Variants in TWF2 observed in about 807,000 individuals in gnomAD.
TWF2 encodes twinfilin actin binding protein 2, also known as twinfilin-2.
TWF2 carries 15 observed loss-of-function variants against 45.1 expected under a neutral mutation model. That is an observed-to-expected ratio of 0.33 (90% CI 0.22 to 0.51). TWF2 has a LOEUF of 0.51. Ranked by LOEUF, TWF2 falls within the 20% of genes least tolerant of loss-of-function variation. TWF2 has a pLI of 0.97. For missense variants in TWF2, 423 were observed against 469.1 expected (o/e 0.90, Z 0.91); for synonymous variants, 177 against 195.8 (o/e 0.90, Z 0.80).
chr3:52,238,842 T>G, intron 1 of TWF2, 150 bp downstream of exon 1: 2 of 1,042,308 alleles, frequency 1.9e-6, no homozygotes, highest in Non-Finnish European at 2.7e-6. Flanking sequence ...CTCCCCCAGA[T>G]GTGCCCACCC....
intron 8 of TWF2, 100 bp downstream of exon 8, chr3:52,229,561 C>T (rs1699658441): frequency 2.0e-6 from 3 of 1,537,514 alleles, no homozygotes; most frequent in Admixed American, 3.7e-5. Flanking sequence ...AACACGACAG[C>T]AACGATTCCT....
chr3:52,235,020 G>A lies in TWF2; in HGVS notation c.103+9C>T, dbSNP rs781180871. The stretch of plus-strand genomic sequence containing the variant: ...CAAGCCTATACCCTGGCCTGTGAGG[G>A]GCACTCACCGTCCTCAATCACAACC... On this transcript the variant is annotated intron_variant, in intron 2 of 8. Transcript: ENST00000305533. The A allele has an allele frequency of 1.2e-6, 2 of 1,613,320 alleles. No individual in the cohort carries two copies. Among genetic ancestry groups the A allele is most frequent in the Admixed American group, 3.3e-5 (2 of 60,022 alleles).
At chr3:52,230,240 G>A (rs1163524956) in intron 6 of TWF2, among the ~76,000 whole-genome samples, 170 bp from the exon 7 acceptor site, 1 of 152,198 alleles carries the variant, frequency 6.6e-6, no homozygotes. Context: ...CCTCTGAAGA[G>A]GCCAGTCCTG....
At chr3:52,229,341 C>G in intron 8 of TWF2, 140 bp from the exon 9 acceptor site, 1 of 1,265,532 alleles carries the variant, frequency 7.9e-7, no homozygotes, top group Non-Finnish European at 1.1e-6. Flanking sequence ...GATTCCCCAC[C>G]TGGAATGCCA....
At position 52,228,744 on chromosome 3, in the gene TWF2, C is replaced by T. The variant is rs750716032; in HGVS notation, c.*290G>A. The T allele has an allele frequency of 6.1e-5, 28 of 460,968 alleles. No individual in the cohort carries two copies. The highest frequency in any genetic ancestry group is 1.1e-4 in the Admixed American group (3 of 26,136). 28.6% of individuals were successfully genotyped at this position (460,968 alleles called of 1,614,324 possible). On this transcript the variant is annotated 3_prime_UTR_variant, in exon 9 of 9. Transcript: ENST00000305533. ...TTCTGGGCTGTGCTGGGACCCTAGT[C>T]TCAGCTCCCCGGGAGGCCAGGTTCA...
chr3:52,236,336 C>T (rs1699725726), intron 1 of TWF2, among the ~76,000 whole-genome samples: 1 of 150,738 alleles, frequency 6.6e-6, no homozygotes, highest in African/African-American at 2.4e-5. Context: ...CCATCTTGGT[C>T]ATTGGGCTGT....
At chr3:52,234,954 A>T in intron 2 of TWF2, 75 bp downstream of exon 2, 2 of 1,554,838 alleles carry the variant, frequency 1.3e-6, no homozygotes, top group Non-Finnish European at 1.8e-6. Flanking sequence ...AGGGGCCAAC[A>T]TCCTCCTTCC....
chr3:52,231,351 C>T lies in TWF2; in HGVS notation c.378+93G>A, dbSNP rs528694705. On this transcript the variant is annotated intron_variant, in intron 4 of 8. Coordinates refer to ENST00000305533, the MANE Select transcript of TWF2 (RefSeq NM_007284.4). Reference sequence around the variant, plus strand: ...TCCCCCAGCGCCCCCATCTTCCTCCCGAAGCTGGCACTAGCTTGCTCTCTG... The same window carrying T: ...TCCCCCAGCGCCCCCATCTTCCTCCTGAAGCTGGCACTAGCTTGCTCTCTG... The T allele has an allele frequency of 2.7e-5, 43 of 1,572,996 alleles. 1 individual carries two copies. Among genetic ancestry groups the T allele is most frequent in the Admixed American group, 2.7e-4 (16 of 58,630 alleles).
rs949419045 is a variant in TWF2 at position 52,229,545 on chromosome 3, A to C, written c.882+116T>G. On this transcript the variant is annotated intron_variant, in intron 8 of 8. Transcript: ENST00000305533. ...TTGCTCCTTGGGCCTCAGATGCCCT[A>C]TGATCAACACGACAGCAACGATTCC... 4 of 1,507,802 alleles carry C rather than the reference A, an allele frequency of 2.7e-6. No individual in the cohort carries two copies. In the East Asian group the frequency reaches 9.1e-5, roughly 34 times the overall value. The allele number at this position is 1,507,802 out of a possible 1,614,324, so 93.4% of individuals were successfully genotyped here. A position where few individuals can be genotyped will look rare whatever the true frequency, so the allele number is the denominator to read the frequency against.
At position 52,230,053 on chromosome 3, in the gene TWF2, C is replaced by T; in HGVS notation, c.627G>A (p.Arg209=). The change falls in exon 7 of 9, where the codon CGG becomes CGA. Residue 209 remains arginine (R), a synonymous_variant. Transcript: ENST00000305533. ...NYIQMKLDLE[R]ETIELVHTEP... ...CTGTGTGCACCAGCTCAATGGTTTCCCGCTCTAGGTCCAGCTTCTGCCCAG... is the reference window on the plus strand; with the variant it reads ...CTGTGTGCACCAGCTCAATGGTTTCTCGCTCTAGGTCCAGCTTCTGCCCAG... 6.3e-7 allele frequency: 1 copy of T among 1,598,016 alleles called. No individual in the cohort carries two copies. The highest frequency in any genetic ancestry group is 8.5e-7 in the Non-Finnish European group (1 of 1,173,686).
In TWF2 at chr3:52,235,013, T is replaced by C. The variant is rs571297315; in HGVS notation, c.103+16A>G. On this transcript the variant is annotated intron_variant, in intron 2 of 8. Coordinates refer to ENST00000305533, the MANE Select transcript of TWF2 (RefSeq NM_007284.4). Reference sequence around the variant, plus strand: ...CCACCCCCAAGCCTATACCCTGGCCTGTGAGGGGCACTCACCGTCCTCAAT... The same window carrying C: ...CCACCCCCAAGCCTATACCCTGGCCCGTGAGGGGCACTCACCGTCCTCAAT... 1 of 1,612,942 alleles carries C rather than the reference T, an allele frequency of 6.2e-7. No homozygotes were observed. The highest frequency in any genetic ancestry group is 1.3e-5 in the African/African-American group (1 of 74,922).
At chr3:52,232,566 C>T (rs1407094398) in intron 2 of TWF2, among the ~76,000 whole-genome samples, 1 of 152,144 alleles carries the variant, frequency 6.6e-6, no homozygotes, top group Admixed American at 6.5e-5. Context: ...GCAGCAGACT[C>T]CCCTCAGGAC....
At chr3:52,231,599 G>C in intron 3 of TWF2, 60 bp from the exon 4 acceptor site, 1 of 1,538,628 alleles carries the variant, frequency 6.5e-7, no homozygotes. Flanking sequence ...TCCCGGAACA[G>C]ACAGGTGCCT....
intron 2 of TWF2, among the ~76,000 whole-genome samples, chr3:52,233,764 A>G (rs1477921002): frequency 2.6e-5 from 4 of 151,912 alleles, no homozygotes; most frequent in Non-Finnish European, 5.9e-5. Flanking sequence ...AAAATACAAA[A>G]TTAGCCGGGC....
At chr3:52,232,471 T>A (rs903521092) in intron 2 of TWF2, among the ~76,000 whole-genome samples, 20 of 151,662 alleles carry the variant, frequency 1.3e-4, no homozygotes, top group African/African-American at 4.4e-4. Flanking sequence ...TTGGACCCCA[T>A]CCCCACCGCA....
intron 2 of TWF2, among the ~76,000 whole-genome samples, chr3:52,233,156 G>C (rs1398947450): frequency 6.6e-6 from 1 of 152,250 alleles, no homozygotes; most frequent in African/African-American, 2.4e-5. Flanking sequence ...ACACCAGCCT[G>C]GGTATACACA....
In TWF2 at chr3:52,229,766, C is replaced by A. The variant is rs1441845433; in HGVS notation, c.777G>T (p.Met259Ile). Residue 259 changes from methionine to isoleucine, a missense_variant, in exon 8 of 9, where the codon ATG (methionine) becomes ATT (isoleucine). By Grantham distance (10) the Met-to-Ile change is conservative. Transcript: ENST00000305533. ...CCTTGATGCTGCACTTGTACCCCGGCATGGAGTAGATGAACACTGTTGGGG... is the reference window on the plus strand; with the variant it reads ...CCTTGATGCTGCACTTGTACCCCGGAATGGAGTAGATGAACACTGTTGGGG... The part of the protein sequence containing the change: ...PLESVVFIYS[M>I]PGYKCSIKER... The A allele has an allele frequency of 1.4e-5, 22 of 1,612,716 alleles. No individual in the cohort carries two copies. Among genetic ancestry groups the A allele is most frequent in the Non-Finnish European group, 1.9e-5 (22 of 1,179,894 alleles).
chr3:52,230,111 G>T, intron 6 of TWF2, 41 bp from the exon 7 acceptor site: 2 of 1,519,154 alleles, frequency 1.3e-6, no homozygotes, highest in Admixed American at 2.0e-5. Flanking sequence ...ACCAGGTCGG[G>T]GTGGGCCCAG....
chr3:52,238,896 G>A (rs1438644034), intron 1 of TWF2, 96 bp downstream of exon 1: 4 of 1,468,312 alleles, frequency 2.7e-6, no homozygotes, highest in Admixed American at 2.1e-5. Context: ...GCTTTCTCCC[G>A]GCTGGTGTGG....
Sources: allele counts gnomAD v4.1 joint callset (sites outside exome capture counted in the v4.1 genomes callset), GRCh38; gene constraint gnomAD v4.1.1; transcripts MANE v1.5; gene names NCBI Gene and HGNC (gene_info 2026-07-23, HGNC 2026-07-21).